MAP3K5: variants seen among roughly 807,000 people sequenced by gnomAD.
MAP3K5 encodes ASK-1.
A neutral mutation model predicts 158.7 loss-of-function variants in MAP3K5; 56 were observed. That is an observed-to-expected ratio of 0.35 (90% CI 0.28 to 0.44). MAP3K5 has a LOEUF of 0.44. Among genes scored for constraint, MAP3K5 ranks in the 20% least tolerant of loss-of-function variants. MAP3K5 has a pLI of 1.00. For missense variants in MAP3K5, 1,294 were observed against 1,674.8 expected (o/e 0.77, Z 3.97); for synonymous variants, 579 against 601.7 (o/e 0.96, Z 0.55).
At chr6:136,568,624 C>T (rs1443595440) in intron 25 of MAP3K5, among the ~76,000 whole-genome samples, 1 of 152,088 alleles carries the variant, frequency 6.6e-6, no homozygotes, top group Non-Finnish European at 1.5e-5. Context: ...CCTGTAATCC[C>T]AGCACTTTGG....
At chr6:136,571,392 A>G (rs897284639) in intron 25 of MAP3K5, among the ~76,000 whole-genome samples, 7 of 151,654 alleles carry the variant, frequency 4.6e-5, no homozygotes, top group African/African-American at 1.2e-4. Flanking sequence ...CAGCTGTAAC[A>G]CTCCCTCCCA....
chr6:136,749,741 G>C (rs997499301), intron 1 of MAP3K5, among the ~76,000 whole-genome samples: 1 of 152,050 alleles, frequency 6.6e-6, no homozygotes, highest in African/African-American at 2.4e-5. Flanking sequence ...TAATTCATCT[G>C]ATGTCTATAA....
intron 11 of MAP3K5, among the ~76,000 whole-genome samples, chr6:136,647,617 T>G (rs965627420): frequency 1.1e-4 from 16 of 150,534 alleles, no homozygotes; most frequent in Non-Finnish European, 2.4e-4. Flanking sequence ...CAATCATATC[T>G]CCCACCTCCC....
At chr6:136,690,619 C>T (rs747399220) in intron 7 of MAP3K5, among the ~76,000 whole-genome samples, 1 of 151,934 alleles carries the variant, frequency 6.6e-6, no homozygotes, top group East Asian at 1.9e-4. Context: ...TTTGTGATTC[C>T]ATTTTTGTGA....
At chr6:136,652,482 T>C (rs1350347790) in intron 10 of MAP3K5, among the ~76,000 whole-genome samples, 1 of 152,166 alleles carries the variant, frequency 6.6e-6, no homozygotes, top group African/African-American at 2.4e-5. Flanking sequence ...GCGGTAATGA[T>C]GAATAATGAA....
intron 8 of MAP3K5, 24 bp downstream of exon 8, chr6:136,669,259 T>C (rs777817931): frequency 2.7e-6 from 4 of 1,473,704 alleles, no homozygotes; most frequent in African/African-American, 1.4e-5. Flanking sequence ...TTGATTTCCA[T>C]GTAAAATATC....
At chr6:136,588,202 T>G (rs568056724) in intron 23 of MAP3K5, among the ~76,000 whole-genome samples, 1 of 152,302 alleles carries the variant, frequency 6.6e-6, no homozygotes, top group Non-Finnish European at 1.5e-5. Flanking sequence ...CACTTTATGT[T>G]TTCCTAGCAC....
At chr6:136,662,848 G>T (rs1214378798) in intron 8 of MAP3K5, among the ~76,000 whole-genome samples, 2 of 152,160 alleles carry the variant, frequency 1.3e-5, no homozygotes, top group African/African-American at 4.8e-5. Context: ...TAAGCAATGA[G>T]CAGTATGTCA....
Position 136,613,901 on chromosome 6 carries a change from C to A in MAP3K5, c.2278+258G>T, listed in dbSNP as rs1776448979. On this transcript the variant is annotated intron_variant, in intron 16 of 29. Coordinates refer to ENST00000359015, the MANE Select transcript of MAP3K5 (RefSeq NM_005923.4). The surrounding 1 kb of genome is among the most constrained non-coding windows in gnomAD (Gnocchi z 4.0). The stretch of plus-strand genomic sequence containing the variant: ...GAACTTCCTCACTTTGGAACACTGG[C>A]CCATTCTTTTGGAGTCTGTGTTTCC... Among the ~76,000 whole-genome samples, 1 of 152,182 alleles carries A rather than the reference C, an allele frequency of 6.6e-6. No individual in the cohort carries two copies. The highest frequency in any genetic ancestry group is 6.5e-5 in the Admixed American group (1 of 15,272).
chr6:136,707,566 G>A (rs941774119), intron 2 of MAP3K5, among the ~76,000 whole-genome samples: 21 of 151,942 alleles, frequency 1.4e-4, no homozygotes, highest in Non-Finnish European at 2.2e-4. Context: ...TTGGGGGGGG[G>A]GGGAACCCCT....
At chr6:136,779,037 C>T (rs1471744371) in intron 1 of MAP3K5, among the ~76,000 whole-genome samples, 5 of 152,134 alleles carry the variant, frequency 3.3e-5, no homozygotes, top group Middle Eastern at 3.4e-3. Context: ...CAGTGGCTCA[C>T]GCCTGTAATC....
In MAP3K5 at chr6:136,652,674, C is replaced by T. The variant is rs913069845; in HGVS notation, c.1681-1583G>A. On this transcript the variant is annotated intron_variant, in intron 10 of 29. Coordinates refer to ENST00000359015, the MANE Select transcript of MAP3K5 (RefSeq NM_005923.4). ...TATGTGGGCACACTATTATACTCAA[C>T]AGAAGAAAAGAAAAGCACTAACTCC... Among the ~76,000 whole-genome samples, 13 of 152,274 alleles carry T rather than the reference C, an allele frequency of 8.5e-5. No homozygotes were observed. In the South Asian group the frequency reaches 1.0e-3, roughly 12 times the overall value.
intron 15 of MAP3K5, among the ~76,000 whole-genome samples, chr6:136,615,586 G>T (rs569010659): frequency 3.9e-4 from 60 of 152,292 alleles, no homozygotes; most frequent in Non-Finnish European, 7.2e-4. Context: ...CCACAGGCTG[G>T]TCTGTTGGAG....
At chr6:136,761,562 G>A (rs1013431319) in intron 1 of MAP3K5, among the ~76,000 whole-genome samples, 1 of 152,210 alleles carries the variant, frequency 6.6e-6, no homozygotes, top group East Asian at 1.9e-4. Context: ...GGGGAAAATG[G>A]GAAAATAAGC....
At chr6:136,643,108 T>C (rs748446354) in intron 11 of MAP3K5, among the ~76,000 whole-genome samples, 27 of 152,212 alleles carry the variant, frequency 1.8e-4, no homozygotes, top group Non-Finnish European at 1.2e-4. Context: ...TACAAGGTAT[T>C]GCTACCTAAT....
At chr6:136,579,248 A>G (rs1774759075) in intron 25 of MAP3K5, among the ~76,000 whole-genome samples, 1 of 152,084 alleles carries the variant, frequency 6.6e-6, no homozygotes. Flanking sequence ...CCACCCCAAC[A>G]CACACACAGG....
At position 136,601,803 on chromosome 6, in the gene MAP3K5, T is replaced by C. The variant is rs1162231883; in HGVS notation, c.2856A>G (p.Ser952=). 1 of 1,613,752 alleles carries C rather than the reference T, an allele frequency of 6.2e-7. No homozygotes were observed. Among genetic ancestry groups the C allele is most frequent in the Non-Finnish European group, 8.5e-7 (1 of 1,179,918 alleles). The change falls in exon 20 of 30, where the codon TCA becomes TCG. Residue 952 remains serine, a splice_region_variant and synonymous_variant. Coordinates refer to ENST00000359015, the MANE Select transcript of MAP3K5 (RefSeq NM_005923.4). The part of the protein sequence containing the change: ...SKKKKTQPKL[S]ALSAGSNEYL... ...ATCCTCTTCAATGCAACCACATACC[T>C]GAAAGCTTAGGTTGTGTCTTTTTCT...
At chr6:136,731,581 A>AT (rs1450232680) in intron 1 of MAP3K5, among the ~76,000 whole-genome samples, 1 of 152,218 alleles carries the variant, frequency 6.6e-6, no homozygotes, top group African/African-American at 2.4e-5. Context: ...TCACTTCATC[A>AT]TATCTGCAAA....
intron 2 of MAP3K5, among the ~76,000 whole-genome samples, chr6:136,712,130 G>A (rs1380866663): frequency 3.3e-5 from 5 of 151,386 alleles, no homozygotes; most frequent in Non-Finnish European, 7.4e-5. Flanking sequence ...TAAACTGGCT[G>A]GAATGCTGAT....
Sources: gnomAD v4.1 joint callset for allele counts (sites outside exome capture counted in the v4.1 genomes callset) on GRCh38, gnomAD v4.1.1 for gene constraint, Gnocchi (gnomAD v3.1) non-coding constraint, MANE v1.5 for transcripts, NCBI Gene and HGNC (gene_info 2026-07-23, HGNC 2026-07-21) for gene names.